CEP83: variants seen among roughly 807,000 people sequenced by gnomAD.
CEP83 encodes the protein centrosomal protein 83, also known as centrosomal protein of 83 kDa.
In CEP83, 70 loss-of-function variants were observed where a neutral mutation model predicts 101.9. The observed-to-expected ratio is 0.69, with a 90% CI of 0.57 to 0.84. The LOEUF is 0.84. Among genes scored for constraint, CEP83 ranks in the 40% least tolerant of loss-of-function variants. The pLI is 0.00. For synonymous variants in CEP83, 264 were observed against 267.9 expected (o/e 0.99, Z 0.14); for missense variants, 715 against 787.2 (o/e 0.91, Z 1.10).
At chr12:94,277,003 C>A in the CEP83 span, 3 of 152,130 alleles carry the variant, frequency 2.0e-5, no homozygotes, top group Non-Finnish European at 4.4e-5. Flanking sequence ...TTTACTCTTG[C>A]GTAATTATCA....
chr12:94,279,860 C>CA, the CEP83 span: 1 of 690,854 alleles, frequency 1.4e-6, no homozygotes, highest in Non-Finnish European at 2.6e-6. Context: ...CACGGTCCTT[C>CA]AAAGATGGCG....
chr12:94,277,189 C>G, the CEP83 span: 1 of 152,184 alleles, frequency 6.6e-6, no homozygotes, highest in Admixed American at 6.5e-5. Flanking sequence ...CGCCTTCCTG[C>G]TGGGTCCTCA....
chr12:94,341,534 A>G (rs1379611441), intron 11 of CEP83, among the ~76,000 whole-genome samples: 4 of 147,888 alleles, frequency 2.7e-5, no homozygotes. Context: ...AAAAAATACC[A>G]CAATTGTTGA....
At chr12:94,326,318 T>C (rs955543765) in intron 14 of CEP83, among the ~76,000 whole-genome samples, 1 of 152,166 alleles carries the variant, frequency 6.6e-6, no homozygotes, top group Non-Finnish European at 1.5e-5. Flanking sequence ...TATAGTGTTT[T>C]CCTGAATTTT....
At chr12:94,447,383 T>C (rs545971018) in intron 1 of CEP83, among the ~76,000 whole-genome samples, 29 of 152,288 alleles carry the variant, frequency 1.9e-4, no homozygotes, top group Admixed American at 3.3e-4. Flanking sequence ...CACGTGCCTG[T>C]AGTTCCAGCT....
At chr12:94,325,214 C>T (rs1316655227) in intron 14 of CEP83, among the ~76,000 whole-genome samples, 1 of 151,502 alleles carries the variant, frequency 6.6e-6, no homozygotes, top group African/African-American at 2.4e-5. Context: ...CTGTGCTGCC[C>T]AGGCTGGAAT....
intron 6 of CEP83, among the ~76,000 whole-genome samples, chr12:94,389,315 AT>A (rs1442381285): frequency 6.6e-6 from 1 of 152,176 alleles, no homozygotes; most frequent in East Asian, 1.9e-4. Flanking sequence ...TATATTTATT[AT>A]GTTAATTGGT....
At chr12:94,278,833 T>A in the CEP83 span, among the ~76,000 whole-genome samples, 1 of 151,906 alleles carries the variant, frequency 6.6e-6, no homozygotes, top group African/African-American at 2.4e-5. Context: ...CCGTCTCTAC[T>A]AAAAAAATAC....
At chr12:94,431,268 C>A (rs1052872015) in intron 2 of CEP83, among the ~76,000 whole-genome samples, 1 of 152,058 alleles carries the variant, frequency 6.6e-6, no homozygotes, top group Admixed American at 6.6e-5. Context: ...TGGATCCCTA[C>A]CTCTCACATA....
chr12:94,436,703 C>T (rs1407418809), intron 1 of CEP83, among the ~76,000 whole-genome samples: 1 of 151,634 alleles, frequency 6.6e-6, no homozygotes, highest in African/African-American at 2.4e-5. Context: ...CAGTGGCGTG[C>T]ACCTGTAGTC....
At chr12:94,424,981 G>A (rs1223514413) in intron 2 of CEP83, 1 of 1,324,104 alleles carries the variant, frequency 7.6e-7, no homozygotes, top group Admixed American at 1.9e-5. Flanking sequence ...TCTCTTTAAT[G>A]TTAGGGAACG....
intron 11 of CEP83, among the ~76,000 whole-genome samples, chr12:94,354,131 T>C (rs2060331178): frequency 6.6e-6 from 1 of 152,088 alleles, no homozygotes; most frequent in African/African-American, 2.4e-5. Context: ...CCAAATGGAC[T>C]TCACAGACAC....
the CEP83 span, among the ~76,000 whole-genome samples, chr12:94,292,056 TCTTTC>T: frequency 6.6e-6 from 1 of 152,234 alleles, no homozygotes; most frequent in Admixed American, 6.5e-5. Context: ...TATCGGTAAT[TCTTTC>T]CTTTTATTGT....
intron 7 of CEP83, among the ~76,000 whole-genome samples, chr12:94,376,955 C>T (rs1484111191): frequency 6.6e-6 from 1 of 151,916 alleles, no homozygotes; most frequent in Non-Finnish European, 1.5e-5. Context: ...TGTTCAGGCT[C>T]ATCTCAAACT....
At chr12:94,452,018 T>C (rs1024390011) in intron 1 of CEP83, among the ~76,000 whole-genome samples, 1 of 152,076 alleles carries the variant, frequency 6.6e-6, no homozygotes, top group African/African-American at 2.4e-5. Context: ...ATGCAACAAT[T>C]AAAAAGAACA....
chr12:94,310,924 T>C (rs1257906706), intron 15 of CEP83, among the ~76,000 whole-genome samples: 1 of 152,180 alleles, frequency 6.6e-6, no homozygotes, highest in Admixed American at 6.5e-5. Context: ...GAGTATCTTT[T>C]GTATATTAAT....
intron 11 of CEP83, among the ~76,000 whole-genome samples, chr12:94,343,691 C>T (rs1468242855): frequency 1.3e-5 from 2 of 150,480 alleles, no homozygotes; most frequent in Non-Finnish European, 3.0e-5. Context: ...GACGGGGTTT[C>T]ACCTTGTTAG....
chr12:94,355,478 G>A lies in CEP83; in HGVS notation c.1343+12316C>T, dbSNP rs144877180. 9.3e-3 allele frequency among the ~76,000 whole-genome samples: 1,410 copies of A among 152,148 alleles called. 21 individuals are homozygous for A. Among genetic ancestry groups the A allele is most frequent in the African/African-American group, 0.032 (1,327 of 41,514 alleles). ...TGCACTCCAGCCTGGGCAACAGAGC[G>A]AGACTCCGTCTCAAAAAAAAAGAAA... On this transcript the variant is annotated intron_variant, in intron 11 of 16. Transcript: ENST00000397809.
At chr12:94,406,814 C>G (rs1201929313) in intron 4 of CEP83, among the ~76,000 whole-genome samples, 1 of 151,512 alleles carries the variant, frequency 6.6e-6, no homozygotes, top group East Asian at 1.9e-4. Flanking sequence ...ATAGTCCCAG[C>G]TACTCAGGAG....
Sources: gnomAD v4.1 joint callset for allele counts (sites outside exome capture counted in the v4.1 genomes callset) on GRCh38, gnomAD v4.1.1 for gene constraint, MANE v1.5 for transcripts, NCBI Gene and HGNC (gene_info 2026-07-23, HGNC 2026-07-21) for gene names.